The following DRC8 variants were observed in gnomAD, a reference collection of about 807,000 sequenced individuals.
The protein encoded by DRC8 is dynein regulatory complex subunit 8, also known as dynein regulatory complex protein 8.
the DRC8 span, among the ~76,000 whole-genome samples, chr1:245,102,280 G>C: frequency 3.9e-5 from 6 of 152,304 alleles, no homozygotes; most frequent in Non-Finnish European, 1.5e-5. Flanking sequence ...TGGGGAAAAC[G>C]ATGTGTACAG....
At chr1:245,089,693 G>A in the DRC8 span, among the ~76,000 whole-genome samples, 1 of 152,162 alleles carries the variant, frequency 6.6e-6, no homozygotes, top group Non-Finnish European at 1.5e-5. This position sits in a 1 kb window ranked among gnomAD's most constrained non-coding sequence, Gnocchi z 4.8. Flanking sequence ...GATGTGAGAA[G>A]GTTGCAGCCT....
At chr1:245,036,035 A>C in the DRC8 span, among the ~76,000 whole-genome samples, 1 of 145,876 alleles carries the variant, frequency 6.9e-6, no homozygotes, top group Non-Finnish European at 1.5e-5. Context: ...AAAATAGATA[A>C]ATTGAATTTC....
the DRC8 span, among the ~76,000 whole-genome samples, chr1:245,054,354 TC>T: frequency 6.6e-6 from 1 of 152,012 alleles, no homozygotes; most frequent in South Asian, 2.1e-4. Flanking sequence ...GCCTGACTTC[TC>T]CCTTTCACTT....
the DRC8 span, among the ~76,000 whole-genome samples, chr1:245,115,941 C>T: frequency 3.3e-5 from 5 of 149,910 alleles, no homozygotes; most frequent in Admixed American, 1.3e-4. Context: ...GGCTGGAGTG[C>T]AGTGGCGTGA....
chr1:245,010,974 C>T, the DRC8 span, among the ~76,000 whole-genome samples: 1 of 152,060 alleles, frequency 6.6e-6, no homozygotes, highest in Admixed American at 6.6e-5. Context: ...AGCCACCGCG[C>T]CCAGCCTTGA....
the DRC8 span, among the ~76,000 whole-genome samples, chr1:245,113,892 T>C: frequency 6.6e-6 from 1 of 152,046 alleles, no homozygotes; most frequent in South Asian, 2.1e-4. Flanking sequence ...GACGTGGGGC[T>C]CCCAACTCAG....
At chr1:245,087,279 G>A in the DRC8 span, 2 of 1,610,904 alleles carry the variant, frequency 1.2e-6, no homozygotes, top group Admixed American at 1.7e-5. Context: ...TGGAAGAAAT[G>A]TTGTCTGCTG....
At chr1:245,070,868 C>T in the DRC8 span, among the ~76,000 whole-genome samples, 402 of 152,286 alleles carry the variant, frequency 2.6e-3, no homozygotes, top group African/African-American at 9.0e-3. Context: ...CCCTCACGAA[C>T]GGGATTAGCA....
At chr1:245,069,384 C>G in the DRC8 span, among the ~76,000 whole-genome samples, 2 of 152,168 alleles carry the variant, frequency 1.3e-5, no homozygotes, top group African/African-American at 4.8e-5. Context: ...AGGTCTCGTC[C>G]TCATTGTCTT....
At chr1:245,011,737 G>A in the DRC8 span, among the ~76,000 whole-genome samples, 25 of 152,290 alleles carry the variant, frequency 1.6e-4, no homozygotes, top group East Asian at 4.2e-3. Context: ...AAAGAGACTC[G>A]ATGATCAAGT....
the DRC8 span, among the ~76,000 whole-genome samples, chr1:245,052,286 G>A: frequency 6.6e-6 from 1 of 152,228 alleles, no homozygotes; most frequent in South Asian, 2.1e-4. Context: ...CAGGAACAAA[G>A]AAAGTGAAAA....
the DRC8 span, among the ~76,000 whole-genome samples, chr1:245,037,286 C>T: frequency 6.6e-6 from 1 of 152,128 alleles, no homozygotes; most frequent in Non-Finnish European, 1.5e-5. Context: ...CAGTGGCACA[C>T]ATAAGCAAAT....
At chr1:244,996,233 A>G in the DRC8 span, among the ~76,000 whole-genome samples, 1 of 151,660 alleles carries the variant, frequency 6.6e-6, no homozygotes, top group Non-Finnish European at 1.5e-5. Context: ...GTGCTGCTTG[A>G]GTGGGGTTAC....
chr1:245,010,681 C>CTTTT, the DRC8 span, among the ~76,000 whole-genome samples: 57 of 127,218 alleles, frequency 4.5e-4, 1 homozygote, highest in African/African-American at 7.9e-4. Context: ...CTTTTTCTTT[C>CTTTT]TTTTTTTTTT....
At chr1:245,108,141 C>T in the DRC8 span, among the ~76,000 whole-genome samples, 3 of 152,146 alleles carry the variant, frequency 2.0e-5, no homozygotes, top group African/African-American at 7.2e-5. Flanking sequence ...CCACCCGTCA[C>T]CCAGTCTCTC....
chr1:245,013,432 T>C, the DRC8 span, among the ~76,000 whole-genome samples: 1 of 152,174 alleles, frequency 6.6e-6, no homozygotes, highest in Non-Finnish European at 1.5e-5. Context: ...CAAGATACTG[T>C]TATGGCTAAT....
chr1:245,061,620 A>G, the DRC8 span, among the ~76,000 whole-genome samples: 1 of 152,228 alleles, frequency 6.6e-6, no homozygotes, highest in South Asian at 2.1e-4. Flanking sequence ...AAAAAGCACA[A>G]ATTTGAATTG....
chr1:245,029,388 C>T, the DRC8 span, among the ~76,000 whole-genome samples: 1 of 152,196 alleles, frequency 6.6e-6, no homozygotes, highest in Non-Finnish European at 1.5e-5. Flanking sequence ...ACCTCCACCT[C>T]CCCGGTTCAA....
chr1:245,033,782 C>T, the DRC8 span, among the ~76,000 whole-genome samples: 1 of 151,778 alleles, frequency 6.6e-6, no homozygotes, highest in African/African-American at 2.4e-5. Flanking sequence ...AGTGCAGTGG[C>T]GCAATCTCGG....
Sources: allele counts gnomAD v4.1 joint callset (sites outside exome capture counted in the v4.1 genomes callset), GRCh38; gene constraint gnomAD v4.1.1; non-coding constraint Gnocchi (gnomAD v3.1); transcripts MANE v1.5; gene names NCBI Gene and HGNC (gene_info 2026-07-23, HGNC 2026-07-21).